PHKA1: variants seen among roughly 807,000 people sequenced by gnomAD.
The protein encoded by PHKA1 is phosphorylase b kinase regulatory subunit alpha, skeletal muscle isoform.
In PHKA1, 60 loss-of-function variants were observed where a neutral mutation model predicts 110.2. The ratio of observed to expected loss-of-function variants is 0.54; its 90% CI spans 0.44 to 0.68. The LOEUF (loss-of-function observed/expected upper bound fraction) is 0.68. Among genes scored for constraint, PHKA1 ranks in the 30% least tolerant of loss-of-function variants. The pLI, the probability that PHKA1 is intolerant of heterozygous loss-of-function variation, is 0.00. For synonymous variants in PHKA1, 316 were observed against 333.6 expected, an observed-to-expected ratio of 0.95 and a Z score of 0.58; for missense variants, 801 against 942.5, an observed-to-expected ratio of 0.85 and a Z score of 1.97.
At chrX:72,637,790 A>T (rs2053246426) in intron 14 of PHKA1, among the ~76,000 whole-genome samples, 1 of 111,589 alleles carries the variant, frequency 9.0e-6, no homozygotes, top group Non-Finnish European at 1.9e-5. Flanking sequence ...TGGGCTCTTG[A>T]TAGGGCTTGC....
chrX:72,710,025 G>A (rs1222719224), intron 2 of PHKA1, among the ~76,000 whole-genome samples: 2 of 77,941 alleles, frequency 2.6e-5, no homozygotes, highest in Admixed American at 2.0e-4. Context: ...CTGGGCAATA[G>A]AGCAAGACTT....
intron 6 of PHKA1, among the ~76,000 whole-genome samples, chrX:72,668,198 G>A (rs781787573): frequency 5.4e-5 from 6 of 111,624 alleles, no homozygotes; most frequent in East Asian, 2.8e-4. Flanking sequence ...CCTTGAGGTC[G>A]GGGATTATGT....
chrX:72,656,505 G>C (rs1298204301), intron 9 of PHKA1, among the ~76,000 whole-genome samples: 1 of 112,330 alleles, frequency 8.9e-6, no homozygotes, highest in African/African-American at 3.2e-5. Context: ...TTTTATATTT[G>C]TTAAGTTTTT....
chrX:72,618,882 G>A, intron 20 of PHKA1, 33 bp from the exon 21 acceptor site: 1 of 1,157,529 alleles, frequency 8.6e-7, no homozygotes, highest in Non-Finnish European at 1.2e-6. Flanking sequence ...AAGAAATTAA[G>A]TTCACAAGTG....
chrX:72,594,400 A>G (rs1205412742), intron 28 of PHKA1, among the ~76,000 whole-genome samples: 1 of 110,719 alleles, frequency 9.0e-6, no homozygotes, highest in Non-Finnish European at 1.9e-5. Flanking sequence ...AAATAGACAA[A>G]TCATTAGATA....
In PHKA1 at chrX:72,581,017, G is replaced by A. The variant is rs782049839; in HGVS notation, c.3657C>T (p.Ile1219=). 7 of 1,209,474 alleles carry A rather than the reference G, an allele frequency of 5.8e-6. 1 individual carries two copies. In the Admixed American group the frequency reaches 1.1e-4, roughly 19 times the overall value. ...ACCAAAGCCCTCATTGCATGGCACA[G>A]ATGCTGTGGGGCAGGAACTCCTGCA... ...TYVQEFLPHS[I]CAMQ The change falls in exon 32 of 32, where the codon ATC becomes ATT. Residue 1219 remains isoleucine, a synonymous_variant. Transcript: ENST00000373542.
chrX:72,625,854 G>T (rs887210568), intron 17 of PHKA1, among the ~76,000 whole-genome samples: 9 of 110,974 alleles, frequency 8.1e-5, no homozygotes, highest in African/African-American at 2.6e-4. Flanking sequence ...TTTGTAGAGA[G>T]AGGTTTTTGC....
chrX:72,624,548 A>G (rs782364885), intron 17 of PHKA1, among the ~76,000 whole-genome samples: 3 of 111,365 alleles, frequency 2.7e-5, no homozygotes, highest in Non-Finnish European at 3.8e-5. Flanking sequence ...AAAACTCCCC[A>G]AGGAATATCT....
intron 7 of PHKA1, among the ~76,000 whole-genome samples, chrX:72,666,768 C>T (rs1471724692): frequency 1.8e-5 from 2 of 111,807 alleles, no homozygotes; most frequent in Admixed American, 1.9e-4. Context: ...TACTTCTGAC[C>T]CACTTTTTTC....
At chrX:72,666,780 T>C (rs2053620282) in intron 7 of PHKA1, among the ~76,000 whole-genome samples, 2 of 112,157 alleles carry the variant, frequency 1.8e-5, no homozygotes, top group Non-Finnish European at 3.8e-5. Context: ...ACTTTTTTCC[T>C]CTGGGAAATT....
rs137971260 is a variant in PHKA1 at position 72,672,279 on chromosome X, A to G, written c.618+3791T>C. Among the ~76,000 whole-genome samples, 409 of 111,836 alleles carry G rather than the reference A, an allele frequency of 3.7e-3. 1 individual carries two copies. The highest frequency in any genetic ancestry group is 0.013 in the African/African-American group (397 of 30,802). On this transcript the variant is annotated intron_variant, in intron 6 of 31. Transcript: ENST00000373542. ...CTATTCTGCCCTCCTAGGCCTTTGG[A>G]CCTGTGATGGAAAAGGCAGCATCTA...
intron 16 of PHKA1, among the ~76,000 whole-genome samples, chrX:72,629,771 C>CCTATA (rs1486409549): frequency 1.8e-5 from 2 of 111,093 alleles, no homozygotes; most frequent in Non-Finnish European, 3.8e-5. Context: ...TTTTGATTTA[C>CCTATA]CTATACTGGG....
intron 3 of PHKA1, among the ~76,000 whole-genome samples, chrX:72,703,443 C>T (rs2054232946): frequency 9.0e-6 from 1 of 111,591 alleles, no homozygotes; most frequent in Admixed American, 9.5e-5. Context: ...TTTTAGGAGG[C>T]CAAGGTGGGA....
intron 14 of PHKA1, among the ~76,000 whole-genome samples, chrX:72,639,899 T>C (rs1457867108): frequency 8.9e-6 from 1 of 112,037 alleles, no homozygotes; most frequent in East Asian, 2.8e-4. Flanking sequence ...TGTGAGTGAG[T>C]ATATGCATGT....
Position 72,684,124 on chromosome X carries a change from C to T in PHKA1, c.537+374G>A, listed in dbSNP as rs1337614835. Among the ~76,000 whole-genome samples the T allele has an allele frequency of 2.7e-5, 3 of 112,204 alleles. No individual in the cohort carries two copies. In the Admixed American group the frequency reaches 2.8e-4, roughly 11 times the overall value. On this transcript the variant is annotated intron_variant, in intron 5 of 31. Coordinates refer to ENST00000373542, the MANE Select transcript of PHKA1 (RefSeq NM_002637.4). ...GAATCAACACCTACAGATAATATTACAAACATGACTAAATTTTATTTCTAA... is the reference window on the plus strand; with the variant it reads ...GAATCAACACCTACAGATAATATTATAAACATGACTAAATTTTATTTCTAA...
At chrX:72,614,752 G>A (rs2052865826) in intron 21 of PHKA1, among the ~76,000 whole-genome samples, 1 of 111,241 alleles carries the variant, frequency 9.0e-6, no homozygotes, top group East Asian at 2.8e-4. Context: ...TGGTAGTGTT[G>A]ATGCTGTAGC....
At chrX:72,608,084 C>T (rs1450051753) in intron 23 of PHKA1, among the ~76,000 whole-genome samples, 1 of 111,604 alleles carries the variant, frequency 9.0e-6, no homozygotes, top group Non-Finnish European at 1.9e-5. Flanking sequence ...ACACTTGGAA[C>T]CAGAATGTCT....
rs184132749 is a variant in PHKA1 at position 72,584,219 on chromosome X, C to A, written c.3297+30G>T. 4.5e-4 allele frequency: 509 copies of A among 1,132,761 alleles called. No individual in the cohort carries two copies. The African/African-American group carries it at 8.3e-3, about 18-fold the overall frequency. The allele number at this position is 1,132,761 out of a possible 1,213,427, so 93.4% of individuals were successfully genotyped here. A position where few individuals can be genotyped will look rare whatever the true frequency, so the allele number is the denominator to read the frequency against. ...TACTTTAGCCAGCAAAGTTATCAGT[C>A]ACATAAATGTGCAAGAAAGAGACTC... is the stretch of plus-strand genomic sequence containing the variant. On this transcript the variant is annotated intron_variant, in intron 30 of 31. Coordinates refer to ENST00000373542, the MANE Select transcript of PHKA1 (RefSeq NM_002637.4).
At chrX:72,633,300 G>T (rs1441532817) in intron 16 of PHKA1, among the ~76,000 whole-genome samples, 3 of 110,627 alleles carry the variant, frequency 2.7e-5, no homozygotes, top group Non-Finnish European at 5.7e-5. Context: ...CTTATAAAAG[G>T]GCTTAAGAGA....
Sources: gnomAD v4.1 joint callset for allele counts (sites outside exome capture counted in the v4.1 genomes callset) on GRCh38, gnomAD v4.1.1 for gene constraint, MANE v1.5 for transcripts, NCBI Gene and HGNC (gene_info 2026-07-23, HGNC 2026-07-21) for gene names.